WDR55: variants seen among roughly 807,000 people sequenced by gnomAD.
The protein encoded by WDR55 is WD repeat-containing protein 55.
A neutral mutation model predicts 34.0 loss-of-function variants in WDR55; 31 were observed. That is an observed-to-expected ratio of 0.91 (90% CI 0.69 to 1.23). The LOEUF (loss-of-function observed/expected upper bound fraction) is 1.23, where lower values mean the gene tolerates loss of function less well. WDR55 is among the 50% of genes most tolerant of loss of function. The probability of loss-of-function intolerance (pLI) is 0.00; values close to 1 mark genes in which losing one functional copy is unlikely to be tolerated. For missense variants in WDR55, 440 were observed against 494.6 expected (o/e 0.89, Z 1.05); for synonymous variants, 164 against 185.9 (o/e 0.88, Z 0.96).
At position 140,670,953 on chromosome 5, in the gene WDR55, G is replaced by A. The variant is rs1758057211; in HGVS notation, c.*1299G>A. 5.7e-6 allele frequency: 2 copies of A among 353,712 alleles called. No homozygotes were observed. Among genetic ancestry groups the A allele is most frequent in the Non-Finnish European group, 1.1e-5 (2 of 189,576 alleles). The allele number at this position is 353,712 out of a possible 1,614,324, so 21.9% of individuals were successfully genotyped here. A position where few individuals can be genotyped will look rare whatever the true frequency, so the allele number is the denominator to read the frequency against. ...CCCCACAAATAAAAACCAACAAAGA[G>A]GACAAATCAGGACAATAAAGAAGAT... is the stretch of plus-strand genomic sequence containing the variant. On this transcript the variant is annotated 3_prime_UTR_variant, in exon 7 of 7. Coordinates refer to ENST00000358337, the MANE Select transcript of WDR55 (RefSeq NM_017706.5).
Position 140,669,172 on chromosome 5 carries a change from A to G in WDR55, c.754A>G (p.Arg252Gly), listed in dbSNP as rs1168105391. ...FGATSDRFAL[R>G]AESIDCMVPV... is the part of the protein sequence containing the mutation. Reference sequence around the variant, plus strand: ...GGCCACAAGTGACCGCTTTGCCCTGAGAGCTGAATCTATCGACTGCATGGT... The same window carrying G: ...GGCCACAAGTGACCGCTTTGCCCTGGGAGCTGAATCTATCGACTGCATGGT... The change falls in exon 6 of 7, where the codon AGA becomes GGA. Residue 252 changes from arginine (R) to glycine (G), a missense_variant. Transcript: ENST00000358337. 1.9e-6 allele frequency: 3 copies of G among 1,613,952 alleles called. No homozygotes were observed. The highest frequency in any genetic ancestry group is 2.5e-6 in the Non-Finnish European group (3 of 1,180,028).
chr5:140,669,165 T>C lies in WDR55; in HGVS notation c.747T>C (p.Phe249=). The C allele has an allele frequency of 6.2e-7, 1 of 1,614,198 alleles. No individual in the cohort carries two copies. The highest frequency in any genetic ancestry group is 2.2e-5 in the East Asian group (1 of 44,884). ...GCTTTGGGGCCACAAGTGACCGCTT[T>C]GCCCTGAGAGCTGAATCTATCGACT... ...WNGFGATSDR[F]ALRAESIDCM... is the part of the protein sequence containing the mutation. The change falls in exon 6 of 7, where the codon TTT becomes TTC. Residue 249 remains phenylalanine, a synonymous_variant. Coordinates refer to ENST00000358337, the MANE Select transcript of WDR55 (RefSeq NM_017706.5).
Position 140,671,019 on chromosome 5 carries a change from TG to T in WDR55, c.*1370del, listed in dbSNP as rs1419685139. 1 of 449,856 alleles carries T rather than the reference TG, an allele frequency of 2.2e-6. No individual in the cohort carries two copies. The highest frequency in any genetic ancestry group is 3.8e-6 in the Non-Finnish European group (1 of 260,026). The allele number at this position is 449,856 out of a possible 1,614,324, so 27.9% of individuals were successfully genotyped here. A position where few individuals can be genotyped will look rare whatever the true frequency, so the allele number is the denominator to read the frequency against. Reference sequence around the variant, plus strand: ...GCAGAGGGGGGAAGGTATGATCGGGTGGGGGTGGGACAAGGAACGGCCATGG... The same window carrying T: ...GCAGAGGGGGGAAGGTATGATCGGGTGGGGTGGGACAAGGAACGGCCATGG... On this transcript the variant is annotated 3_prime_UTR_variant, in exon 7 of 7. Coordinates refer to ENST00000358337, the MANE Select transcript of WDR55 (RefSeq NM_017706.5).
intron 1 of WDR55, chr5:140,667,966 C>A: frequency 3.3e-6 from 1 of 302,346 alleles, no homozygotes; most frequent in Non-Finnish European, 6.1e-6. Context: ...CAGGCTGGGG[C>A]TTTCAAAGAT....
chr5:140,669,251 G>T lies in WDR55; in HGVS notation c.830+3G>T. ...GGCTCCACTGATGGAGTCATCAGGT[G>T]AGGGAAGCCTGGACAGCCCTTAGGT... On this transcript the variant is annotated splice_donor_region_variant and intron_variant, in intron 6 of 6. Transcript: ENST00000358337. 3 of 1,613,580 alleles carry T rather than the reference G, an allele frequency of 1.9e-6. No homozygotes were observed. The highest frequency in any genetic ancestry group is 2.5e-6 in the Non-Finnish European group (3 of 1,180,014).
At chr5:140,666,805 A>G in intron 1 of WDR55, 1 of 985,456 alleles carries the variant, frequency 1.0e-6, no homozygotes, top group Non-Finnish European at 1.2e-6. Flanking sequence ...TAGAATGTGA[A>G]AAAACACTGT....
intron 6 of WDR55, 40 bp downstream of exon 6, chr5:140,669,288 C>T (rs762465696): frequency 1.9e-6 from 3 of 1,612,858 alleles, no homozygotes; most frequent in Non-Finnish European, 2.5e-6. Context: ...ACAGGAAGGG[C>T]AGACCCAGCT....
chr5:140,670,998 AG>A lies in WDR55; in HGVS notation c.*1350del, dbSNP rs376301671. On this transcript the variant is annotated 3_prime_UTR_variant, in exon 7 of 7. Transcript: ENST00000358337. ...GAAGATTCATGCTAAGCTGTGGCAG[AG>A]GGGGGAAGGTATGATCGGGTGGGGG... 2.2e-6 allele frequency: 1 copy of A among 447,804 alleles called. No individual in the cohort carries two copies. The highest frequency in any genetic ancestry group is 3.9e-6 in the Non-Finnish European group (1 of 256,016). 27.7% of individuals were successfully genotyped at this position (447,804 alleles called of 1,614,324 possible). A position where few individuals can be genotyped will look rare whatever the true frequency, so the allele number is the denominator to read the frequency against.
rs1758075531 is a variant in WDR55 at position 140,671,562 on chromosome 5, G to A, written c.*1908G>A. On this transcript the variant is annotated 3_prime_UTR_variant, in exon 7 of 7. Transcript: ENST00000358337. ...AACACAGGGCTGCCCAGCTTCATTCGTTGGCACAGCAACTGCAGGGTAGCC... is the reference window on the plus strand; with the variant it reads ...AACACAGGGCTGCCCAGCTTCATTCATTGGCACAGCAACTGCAGGGTAGCC... 1.9e-6 allele frequency: 3 copies of A among 1,567,280 alleles called. No individual in the cohort carries two copies. The highest frequency in any genetic ancestry group is 1.2e-5 in the South Asian group (1 of 86,074).
chr5:140,666,737 T>G, intron 1 of WDR55: 3 of 983,958 alleles, frequency 3.0e-6, no homozygotes, highest in Non-Finnish European at 3.6e-6. Flanking sequence ...GATTTTATTC[T>G]ATTATTGTGT....
chr5:140,668,987 G>C lies in WDR55; in HGVS notation c.657G>C (p.Met219Ile). Residue 219 changes from methionine (M) to isoleucine (I), a missense_variant, in exon 5 of 7, where the codon ATG (methionine) becomes ATC (isoleucine). Met to Ile is a conservative substitution (Grantham distance 10). Transcript: ENST00000358337. The stretch of plus-strand genomic sequence containing the variant: ...GGGACCTGACCTCTGTCACTCTCAT[G>C]AAAGTACAGCTGGTTATGGTGGGAT... ...QSGDLTSVTL[M>I]KWGKKVACGS... The C allele has an allele frequency of 6.2e-7, 1 of 1,614,210 alleles. No homozygotes were observed. The highest frequency in any genetic ancestry group is 8.5e-7 in the Non-Finnish European group (1 of 1,180,034).
chr5:140,665,191 G>T, intron 1 of WDR55, 88 bp downstream of exon 1: 1 of 1,324,674 alleles, frequency 7.5e-7, no homozygotes. Context: ...AAGTTGCAGG[G>T]AGACAAATTT....
At position 140,665,708 on chromosome 5, in the gene WDR55, A is replaced by G. The variant is rs192370585; in HGVS notation, c.191+605A>G. ...GAGACAGGCTCAGCAGGCCCCTTTA[A>G]GTGATTTTTCAAACCACAAATCTTG... On this transcript the variant is annotated intron_variant, in intron 1 of 6. Coordinates refer to ENST00000358337, the MANE Select transcript of WDR55 (RefSeq NM_017706.5). Among the ~76,000 whole-genome samples, 488 of 152,270 alleles carry G rather than the reference A, an allele frequency of 3.2e-3. 2 individuals are homozygous for G. The highest frequency in any genetic ancestry group is 0.011 in the African/African-American group (465 of 41,548).
At position 140,670,991 on chromosome 5, in the gene WDR55, G is replaced by A. The variant is rs1758057955; in HGVS notation, c.*1337G>A. 1 of 503,996 alleles carries A rather than the reference G, an allele frequency of 2.0e-6. No individual in the cohort carries two copies. Among genetic ancestry groups the A allele is most frequent in the South Asian group, 2.2e-5 (1 of 45,382 alleles). 31.2% of individuals were successfully genotyped at this position (503,996 alleles called of 1,614,324 possible). ...CAATAAAGAAGATTCATGCTAAGCT[G>A]TGGCAGAGGGGGGAAGGTATGATCG... On this transcript the variant is annotated 3_prime_UTR_variant, in exon 7 of 7. Coordinates refer to ENST00000358337, the MANE Select transcript of WDR55 (RefSeq NM_017706.5).
rs745704206 is a variant in WDR55, at chr5:140,668,997, C to T, written c.660+7C>T. ...CTCTGTCACTCTCATGAAAGTACAG[C>T]TGGTTATGGTGGGATGGAGGGGTGT... On this transcript the variant is annotated splice_region_variant and intron_variant, in intron 5 of 6. Transcript: ENST00000358337. 5.0e-6 allele frequency: 8 copies of T among 1,614,064 alleles called. No homozygotes were observed. The Admixed American group carries it at 6.7e-5, about 13-fold the overall frequency.
intron 1 of WDR55, chr5:140,667,176 A>G (rs1490760937): frequency 1.0e-6 from 1 of 980,336 alleles, no homozygotes; most frequent in Admixed American, 6.2e-5. Flanking sequence ...TGCCCTAGAC[A>G]TCCACCTTTC....
In WDR55 at chr5:140,669,157, G is replaced by C; in HGVS notation, c.739G>C (p.Asp247His). 1 of 1,614,150 alleles carries C rather than the reference G, an allele frequency of 6.2e-7. No individual in the cohort carries two copies. Among genetic ancestry groups the C allele is most frequent in the Non-Finnish European group, 8.5e-7 (1 of 1,180,036 alleles). The change falls in exon 6 of 7, where the codon GAC (aspartate) becomes CAC (histidine). Residue 247 changes from aspartate (D) to histidine (H), a missense_variant. Physicochemically the swap from Asp to His is moderately conservative, Grantham distance 81. Coordinates refer to ENST00000358337, the MANE Select transcript of WDR55 (RefSeq NM_017706.5). ...TTGGAATGGCTTTGGGGCCACAAGT[G>C]ACCGCTTTGCCCTGAGAGCTGAATC... ...FNWNGFGATS[D>H]RFALRAESID...
chr5:140,669,106 A>G lies in WDR55; in HGVS notation c.688A>G (p.Ser230Gly). 6.2e-7 allele frequency: 1 copy of G among 1,614,180 alleles called. No individual in the cohort carries two copies. The highest frequency in any genetic ancestry group is 8.5e-7 in the Non-Finnish European group (1 of 1,180,036). Reference protein sequence around the residue: ...KWGKKVACGSSEGTIYLFNWN... With the variant: ...KWGKKVACGSGEGTIYLFNWN... Reference sequence around the variant, plus strand: ...GGGGAAGAAGGTAGCCTGTGGCTCCAGTGAAGGTACCATCTACCTCTTCAA... The same window carrying G: ...GGGGAAGAAGGTAGCCTGTGGCTCCGGTGAAGGTACCATCTACCTCTTCAA... Residue 230 changes from serine to glycine, a missense_variant, in exon 6 of 7, where the codon AGT (serine) becomes GGT (glycine). Physicochemically the swap from Ser to Gly is moderately conservative, Grantham distance 56 (BLOSUM62 0). Transcript: ENST00000358337.
Position 140,671,313 on chromosome 5 carries a change from C to T in WDR55, c.*1659C>T, listed in dbSNP as rs764406836. On this transcript the variant is annotated 3_prime_UTR_variant, in exon 7 of 7. Transcript: ENST00000358337. ...TGGAGTCACTGTTTAACCATGGTACCTGCCTCAGCCCCAGCAGACCACAGG... is the reference window on the plus strand; with the variant it reads ...TGGAGTCACTGTTTAACCATGGTACTTGCCTCAGCCCCAGCAGACCACAGG... 6.2e-7 allele frequency: 1 copy of T among 1,612,932 alleles called. No homozygotes were observed. The highest frequency in any genetic ancestry group is 8.5e-7 in the Non-Finnish European group (1 of 1,179,992).
Sources: allele counts gnomAD v4.1 joint callset (sites outside exome capture counted in the v4.1 genomes callset), GRCh38; gene constraint gnomAD v4.1.1; transcripts MANE v1.5; gene names NCBI Gene and HGNC (gene_info 2026-07-23, HGNC 2026-07-21).